SEC61A2: variants seen among roughly 807,000 people sequenced by gnomAD.
SEC61A2 encodes the protein protein transport protein Sec61 subunit alpha isoform 2.
In SEC61A2, 28 loss-of-function variants were observed where a neutral mutation model predicts 59.9. The observed-to-expected ratio is 0.47, with a 90% CI of 0.35 to 0.64. The LOEUF is 0.64. Ranked by LOEUF, SEC61A2 falls within the 30% of genes least tolerant of loss-of-function variation. The pLI is 0.01. For missense variants in SEC61A2, 340 were observed against 585.9 expected, an observed-to-expected ratio of 0.58 and a Z score of 4.33; for synonymous variants, 202 against 214.4, an observed-to-expected ratio of 0.94 and a Z score of 0.50.
Position 12,143,764 on chromosome 10 carries a change from A to G in SEC61A2, c.220+569A>G, listed in dbSNP as rs113042101. 3.6e-4 allele frequency among the ~76,000 whole-genome samples: 55 copies of G among 152,152 alleles called. No individual in the cohort carries two copies. The highest frequency in any genetic ancestry group is 1.3e-3 in the African/African-American group (54 of 41,514). ...AAAAGGGAGTCCAGTGTGTGAGCCA[A>G]TCGGGGAGCTCAGCTGGAGCTGAGC... On this transcript the variant is annotated intron_variant, in intron 4 of 11. Transcript: ENST00000298428. The surrounding 1 kb of genome is among the most constrained non-coding windows in gnomAD (Gnocchi z 4.8).
intron 8 of SEC61A2, 34 bp from the exon 9 acceptor site, chr10:12,157,874 G>A: frequency 6.3e-7 from 1 of 1,589,304 alleles, no homozygotes; most frequent in Non-Finnish European, 8.6e-7. Context: ...TAATGTGTCT[G>A]GCTCCCCCAC....
downstream of SEC61A2, chr10:12,168,025 TG>T: frequency 1.1e-6 from 1 of 909,060 alleles, no homozygotes; most frequent in Non-Finnish European, 1.5e-6. This position sits in a 1 kb window ranked among gnomAD's most constrained non-coding sequence, Gnocchi z 4.8. Context: ...TCAGGGATAA[TG>T]ATTTTTTTTT....
At chr10:12,136,722 C>G (rs903871115) in intron 3 of SEC61A2, among the ~76,000 whole-genome samples, 1 of 152,130 alleles carries the variant, frequency 6.6e-6, no homozygotes, top group Non-Finnish European at 1.5e-5. Context: ...CTCTGCCTCC[C>G]CAGTTCAAGT....
At chr10:12,133,130 G>T in intron 1 of SEC61A2, 111 bp from the exon 2 acceptor site, 1 of 586,862 alleles carries the variant, frequency 1.7e-6, no homozygotes, top group Non-Finnish European at 3.1e-6. Context: ...TGGGGCTTAA[G>T]GGTGGGGTGA....
At chr10:12,136,236 T>G (rs1833880278) in intron 3 of SEC61A2, 66 bp downstream of exon 3, 1 of 1,032,688 alleles carries the variant, frequency 9.7e-7, no homozygotes, top group South Asian at 1.4e-5. Context: ...GGTTAGAATT[T>G]GAGAATTTTT....
downstream of SEC61A2, chr10:12,169,162 A>G: frequency 1.4e-6 from 1 of 692,334 alleles, no homozygotes. This position sits in a 1 kb window ranked among gnomAD's most constrained non-coding sequence, Gnocchi z 4.8. Flanking sequence ...TGCTAAAGCT[A>G]GGCAACTTGG....
chr10:12,133,348 G>A (rs751759334), intron 2 of SEC61A2, 40 bp downstream of exon 2: 1 of 1,046,256 alleles, frequency 9.6e-7, no homozygotes, highest in East Asian at 2.4e-5. Flanking sequence ...GTAGCTCAAG[G>A]GCTTGTTCTA....
In SEC61A2 at chr10:12,165,127, C is replaced by T; in HGVS notation, c.*673C>T. On this transcript the variant is annotated 3_prime_UTR_variant, in exon 12 of 12. Transcript: ENST00000298428. The stretch of plus-strand genomic sequence containing the variant: ...GTGACAGCATCATCGTGCTGTTTGC[C>T]TGTATTGGCTATGCCTTCTAACTCC... 1 of 985,686 alleles carries T rather than the reference C, an allele frequency of 1.0e-6. No homozygotes were observed. Among genetic ancestry groups the T allele is most frequent in the Non-Finnish European group, 1.2e-6 (1 of 830,032 alleles). The allele number at this position is 985,686 out of a possible 1,614,324, so 61.1% of individuals were successfully genotyped here.
Position 12,165,272 on chromosome 10 carries a change from AAT to A in SEC61A2, c.*823_*824del. 1 of 985,464 alleles carries A rather than the reference AAT, an allele frequency of 1.0e-6. No homozygotes were observed. Among genetic ancestry groups the A allele is most frequent in the Non-Finnish European group, 1.2e-6 (1 of 829,936 alleles). The allele number at this position is 985,464 out of a possible 1,614,324, so 61.0% of individuals were successfully genotyped here. On this transcript the variant is annotated 3_prime_UTR_variant, in exon 12 of 12. Coordinates refer to ENST00000298428, the MANE Select transcript of SEC61A2 (RefSeq NM_018144.4). Reference sequence around the variant, plus strand: ...TGTAGTTCAGTGGGGGTGAACAATGAATATATTCATGCTAGGAATTTGTGTCT... The same window carrying A: ...TGTAGTTCAGTGGGGGTGAACAATGAATATTCATGCTAGGAATTTGTGTCT...
chr10:12,139,743 C>T (rs993866916), intron 3 of SEC61A2, among the ~76,000 whole-genome samples: 1 of 152,006 alleles, frequency 6.6e-6, no homozygotes, highest in African/African-American at 2.4e-5. Flanking sequence ...GAGATCGAGC[C>T]ACTGCACTCC....
In SEC61A2 at chr10:12,161,609, C is replaced by T. The variant is rs1417165317; in HGVS notation, c.1167+488C>T. Among the ~76,000 whole-genome samples, 1 of 152,040 alleles carries T rather than the reference C, an allele frequency of 6.6e-6. No homozygotes were observed. The highest frequency in any genetic ancestry group is 1.5e-5 in the Non-Finnish European group (1 of 68,004). On this transcript the variant is annotated intron_variant, in intron 10 of 11. Transcript: ENST00000298428. The surrounding 1 kb of genome is among the most constrained non-coding windows in gnomAD (Gnocchi z 5.4). ...TACAAAAATTAGCTGGGCGTGGCAG[C>T]GCATGCCTGTAATCCCAGCCACTCA...
intron 2 of SEC61A2, among the ~76,000 whole-genome samples, chr10:12,134,649 C>T (rs1007095201): frequency 3.3e-5 from 5 of 152,024 alleles, no homozygotes; most frequent in Admixed American, 1.3e-4. Context: ...AATCTAGGCC[C>T]GGCACAGTGA....
At position 12,142,546 on chromosome 10, in the gene SEC61A2, A is replaced by C. The variant is rs1268651433; in HGVS notation, c.142-571A>C. 1.0e-6 allele frequency: 1 copy of C among 979,938 alleles called. No individual in the cohort carries two copies. The highest frequency in any genetic ancestry group is 1.1e-4 in the East Asian group (1 of 8,802). 60.7% of individuals were successfully genotyped at this position (979,938 alleles called of 1,614,324 possible). A position where few individuals can be genotyped will look rare whatever the true frequency, so the allele number is the denominator to read the frequency against. On this transcript the variant is annotated intron_variant, in intron 3 of 11. Coordinates refer to ENST00000298428, the MANE Select transcript of SEC61A2 (RefSeq NM_018144.4). This position sits in a 1 kb window ranked among gnomAD's most constrained non-coding sequence, Gnocchi z 5.4. Reference sequence around the variant, plus strand: ...TCTTTAGTATATAGAGCTTTGCAAAATCATTCTACGACCAGGCAGGTATAA... The same window carrying C: ...TCTTTAGTATATAGAGCTTTGCAAACTCATTCTACGACCAGGCAGGTATAA...
chr10:12,137,268 T>G (rs183193255), intron 3 of SEC61A2, among the ~76,000 whole-genome samples: 11 of 152,320 alleles, frequency 7.2e-5, no homozygotes, highest in Admixed American at 6.5e-4. Context: ...AATCTTGGGT[T>G]GTACTGTGTT....
Position 12,142,146 on chromosome 10 carries a change from A to C in SEC61A2, c.142-971A>C, listed in dbSNP as rs1161637946. 6.6e-6 allele frequency among the ~76,000 whole-genome samples: 1 copy of C among 152,172 alleles called. No homozygotes were observed. The highest frequency in any genetic ancestry group is 1.5e-5 in the Non-Finnish European group (1 of 68,020). ...GTGTAATAGCATCAACGTTGCTTGG[A>C]TCTCAGGGCAGGATTTATGGCGAGT... On this transcript the variant is annotated intron_variant, in intron 3 of 11. Coordinates refer to ENST00000298428, the MANE Select transcript of SEC61A2 (RefSeq NM_018144.4). The surrounding 1 kb of genome is among the most constrained non-coding windows in gnomAD (Gnocchi z 5.4).
Position 12,129,757 on chromosome 10 carries a change from G to A in SEC61A2, c.-31G>A, listed in dbSNP as rs1833682849. 2.0e-6 allele frequency: 3 copies of A among 1,489,198 alleles called. No individual in the cohort carries two copies. In the East Asian group the frequency reaches 8.7e-5, roughly 43 times the overall value. The allele number at this position is 1,489,198 out of a possible 1,614,324, so 92.2% of individuals were successfully genotyped here. A position where few individuals can be genotyped will look rare whatever the true frequency, so the allele number is the denominator to read the frequency against. On this transcript the variant is annotated 5_prime_UTR_variant, in exon 1 of 12. Coordinates refer to ENST00000298428, the MANE Select transcript of SEC61A2 (RefSeq NM_018144.4). This position sits in a 1 kb window ranked among gnomAD's most constrained non-coding sequence, Gnocchi z 5.6. ...CGAGCGAAGGCAGCGCCGAGGCCGC[G>A]GTTTCCCCCTGGGCCTCCCCAGCAG...
Position 12,143,202 on chromosome 10 carries a change from G to C in SEC61A2, c.220+7G>C, listed in dbSNP as rs745367283. On this transcript the variant is annotated splice_region_variant and intron_variant, in intron 4 of 11. Coordinates refer to ENST00000298428, the MANE Select transcript of SEC61A2 (RefSeq NM_018144.4). The surrounding 1 kb of genome is among the most constrained non-coding windows in gnomAD (Gnocchi z 4.8). Reference sequence around the variant, plus strand: ...ATTCTGGCTTCCAATAGAGGTATGCGTGTCTTTTCTGTCTCCACACTCCTA... The same window carrying C: ...ATTCTGGCTTCCAATAGAGGTATGCCTGTCTTTTCTGTCTCCACACTCCTA... 1.3e-6 allele frequency: 2 copies of C among 1,597,254 alleles called. No homozygotes were observed. The highest frequency in any genetic ancestry group is 2.7e-5 in the African/African-American group (2 of 74,534).
intron 1 of SEC61A2, among the ~76,000 whole-genome samples, chr10:12,132,944 T>C (rs1833794155): frequency 6.6e-6 from 1 of 152,232 alleles, no homozygotes; most frequent in Non-Finnish European, 1.5e-5. Flanking sequence ...AGCCCCCTTT[T>C]TGTATATGTA....
chr10:12,147,599 C>T (rs1439695965), intron 4 of SEC61A2, among the ~76,000 whole-genome samples: 5 of 151,298 alleles, frequency 3.3e-5, no homozygotes. Flanking sequence ...GCAGGAGAAT[C>T]GCTTGAATCC....
Sources: gnomAD v4.1 joint callset for allele counts (sites outside exome capture counted in the v4.1 genomes callset) on GRCh38, gnomAD v4.1.1 for gene constraint, Gnocchi (gnomAD v3.1) non-coding constraint, MANE v1.5 for transcripts, NCBI Gene and HGNC (gene_info 2026-07-23, HGNC 2026-07-21) for gene names.